Variants in PCDHA5 observed in about 807,000 individuals in gnomAD.
PCDHA5 encodes protocadherin alpha 5, also known as protocadherin alpha-5.
PCDHA5 carries 43 observed loss-of-function variants against 61.6 expected under a neutral mutation model. The observed-to-expected ratio is 0.70, with a 90% CI of 0.55 to 0.90. The LOEUF (loss-of-function observed/expected upper bound fraction) is 0.90, where lower values mean the gene tolerates loss of function less well. Among genes scored for constraint, PCDHA5 ranks in the 40% least tolerant of loss-of-function variants. The pLI, the probability that PCDHA5 is intolerant of heterozygous loss-of-function variation, is 0.00. For missense variants in PCDHA5, 1,298 were observed against 1,222.7 expected (o/e 1.06, Z -0.92); for synonymous variants, 627 against 543.9 (o/e 1.15, Z -2.13).
At chr5:140,893,219 G>C (rs1273209081) in intron 1 of PCDHA5, among the ~76,000 whole-genome samples, 1 of 152,194 alleles carries the variant, frequency 6.6e-6, no homozygotes, top group Non-Finnish European at 1.5e-5. Flanking sequence ...GGAGGTGCAG[G>C]TATCACTTTG....
intron 1 of PCDHA5, among the ~76,000 whole-genome samples, chr5:140,959,036 GTATGT>G (rs2095460948): frequency 6.6e-6 from 1 of 152,032 alleles, no homozygotes; most frequent in African/African-American, 2.4e-5. Flanking sequence ...TCATGGGTAT[GTATGT>G]ATAGGAAAAA....
At chr5:140,877,925 T>C in intron 1 of PCDHA5, 1 of 1,421,700 alleles carries the variant, frequency 7.0e-7, no homozygotes, top group Non-Finnish European at 9.2e-7. Flanking sequence ...TTTTTCTTTA[T>C]GATTCTATCC....
At chr5:140,999,114 T>C (rs2097847387) in intron 3 of PCDHA5, among the ~76,000 whole-genome samples, 2 of 152,180 alleles carry the variant, frequency 1.3e-5, no homozygotes, top group Non-Finnish European at 2.9e-5. Context: ...CTAGCAACCA[T>C]TTCTAAGCTG....
intron 1 of PCDHA5, chr5:140,852,843 A>G (rs2042491535): frequency 1.0e-6 from 1 of 969,432 alleles, no homozygotes; most frequent in Non-Finnish European, 1.2e-6. Context: ...TAGAGCTAGT[A>G]CTTACTAAGC....
In PCDHA5 at chr5:140,823,295, T is replaced by C. The variant is rs1383597975; in HGVS notation, c.1520T>C (p.Val507Ala). ...RVGERPLSSY[V>A]SVHAESGKVY... ...GGCGAGCGCCCGCTGTCGAGTTACG[T>C]TTCGGTGCACGCGGAGAGCGGCAAG... Residue 507 changes from valine (V) to alanine (A), a missense_variant, in exon 1 of 4, where the codon GTT (valine) becomes GCT (alanine). Coordinates refer to ENST00000529859, the MANE Select transcript of PCDHA5 (RefSeq NM_018908.3). The C allele has an allele frequency of 1.2e-6, 2 of 1,612,142 alleles. No homozygotes were observed. Among genetic ancestry groups the C allele is most frequent in the African/African-American group, 2.7e-5 (2 of 74,830 alleles).
At chr5:140,846,712 C>T (rs1014332332) in intron 1 of PCDHA5, among the ~76,000 whole-genome samples, 3 of 149,228 alleles carry the variant, frequency 2.0e-5, no homozygotes, top group Non-Finnish European at 4.5e-5. Flanking sequence ...ATTGTAATAA[C>T]CAGTCTTCAT....
rs1427056714 is a variant in PCDHA5 at position 140,822,019 on chromosome 5, A to G, written c.244A>G (p.Ile82Val). ...TCTGGAGGTAAATCTGCAGAATGGC[A>G]TTTTGTTTGTGAATTCTCGGATCGA... ...DLLEVNLQNGILFVNSRIDRE... is the reference protein window; with the variant it reads ...DLLEVNLQNGVLFVNSRIDRE... Residue 82 changes from isoleucine to valine, a missense_variant, in exon 1 of 4, where the codon ATT becomes GTT. Physicochemically the swap from Ile to Val is conservative, Grantham distance 29. Coordinates refer to ENST00000529859, the MANE Select transcript of PCDHA5 (RefSeq NM_018908.3). 3 of 1,614,052 alleles carry G rather than the reference A, an allele frequency of 1.9e-6. No homozygotes were observed. The highest frequency in any genetic ancestry group is 1.3e-5 in the African/African-American group (1 of 74,942).
Position 140,824,088 on chromosome 5 carries a change from C to G in PCDHA5, c.2313C>G (p.Phe771Leu), listed in dbSNP as rs145264014. Residue 771 changes from phenylalanine (F) to leucine (L), a missense_variant, in exon 1 of 4, where the codon TTC becomes TTG. Transcript: ENST00000529859. ...EAPPKTDLMA[F>L]SPSLPQGPTS... Reference sequence around the variant, plus strand: ...CACCCAAAACAGACCTCATGGCCTTCAGTCCAAGCCTTCCTCAGGGTCCCA... The same window carrying G: ...CACCCAAAACAGACCTCATGGCCTTGAGTCCAAGCCTTCCTCAGGGTCCCA... 1,047 of 1,614,190 alleles carry G rather than the reference C, an allele frequency of 6.5e-4. 5 individuals are homozygous for G. In the African/African-American group the frequency reaches 0.012, roughly 19 times the overall value.
rs1183844615 is a variant in PCDHA5, at chr5:140,823,100, T to C, written c.1325T>C (p.Val442Ala). The change falls in exon 1 of 4, where the codon GTG becomes GCG. Residue 442 changes from valine (V) to alanine (A), a missense_variant. Val to Ala is a moderately conservative substitution (Grantham distance 64). Transcript: ENST00000529859. ...CTGTGGGCCACCGCCAGCGTGTCTG[T>C]GGAAGTGGCCGACGTGAACGACAAC... ...PSLWATASVS[V>A]EVADVNDNAP... 3 of 1,613,902 alleles carry C rather than the reference T, an allele frequency of 1.9e-6. No homozygotes were observed. Among genetic ancestry groups the C allele is most frequent in the African/African-American group, 1.3e-5 (1 of 74,930 alleles).
At position 140,823,700 on chromosome 5, in the gene PCDHA5, C is replaced by A; in HGVS notation, c.1925C>A (p.Pro642Gln). ...CGCTCTCTGGATGAGACCGAAGCAC[C>A]GCGCCACCGCCTTCTGGTGCTGGTG... ...TTRSLDETEA[P>Q]RHRLLVLVKD... The change falls in exon 1 of 4, where the codon CCG becomes CAG. Residue 642 changes from proline to glutamine, a missense_variant. By Grantham distance (76) the Pro-to-Gln change is moderately conservative. Transcript: ENST00000529859. 4 of 1,613,940 alleles carry A rather than the reference C, an allele frequency of 2.5e-6. No homozygotes were observed. Among genetic ancestry groups the A allele is most frequent in the South Asian group, 2.2e-5 (2 of 91,082 alleles).
At chr5:140,916,009 C>CA (rs541727470) in intron 1 of PCDHA5, among the ~76,000 whole-genome samples, 78 of 152,190 alleles carry the variant, frequency 5.1e-4, no homozygotes, top group Non-Finnish European at 9.6e-4. Flanking sequence ...AACCACAAGA[C>CA]AAAGTCTTTC....
intron 1 of PCDHA5, among the ~76,000 whole-genome samples, chr5:140,937,820 G>T (rs554138611): frequency 2.6e-5 from 4 of 151,792 alleles, no homozygotes; most frequent in African/African-American, 9.7e-5. Flanking sequence ...GCTGAGGCAG[G>T]AGAATGGCAT....
intron 1 of PCDHA5, chr5:140,870,969 C>T: frequency 1.2e-6 from 2 of 1,613,644 alleles, no homozygotes; most frequent in Non-Finnish European, 1.7e-6. Context: ...TCCCGTTCCG[C>T]GTGGGGCTGT....
Position 141,009,983 on chromosome 5 carries a change from G to A in PCDHA5, c.*46G>A, listed in dbSNP as rs1554262629. The A allele has an allele frequency of 1.9e-6, 3 of 1,581,862 alleles. No homozygotes were observed. Among genetic ancestry groups the A allele is most frequent in the Non-Finnish European group, 2.6e-6 (3 of 1,167,526 alleles). On this transcript the variant is annotated 3_prime_UTR_variant, in exon 4 of 4. Coordinates refer to ENST00000529859, the MANE Select transcript of PCDHA5 (RefSeq NM_018908.3). ...CCACTTAGCCAGTTTTTGTAATAAT[G>A]GCAAATCTCTCCCATGTAGCAATTC...
chr5:140,927,272 G>A lies in PCDHA5; in HGVS notation c.2353-51677G>A, dbSNP rs782403423. 3.7e-6 allele frequency: 6 copies of A among 1,613,966 alleles called. No homozygotes were observed. Among genetic ancestry groups the A allele is most frequent in the African/African-American group, 1.3e-5 (1 of 74,910 alleles). ...GACAACTCACCTCTCTTTCCTGCCG[G>A]CGACGTGCAGCTGCACATCCCCGAG... On this transcript the variant is annotated intron_variant, in intron 1 of 3. Transcript: ENST00000529859.
In PCDHA5 at chr5:140,875,833, G is replaced by A. The variant is rs782436615; in HGVS notation, c.2352+51706G>A. 1 of 1,614,220 alleles carries A rather than the reference G, an allele frequency of 6.2e-7. No homozygotes were observed. Among genetic ancestry groups the A allele is most frequent in the Non-Finnish European group, 8.5e-7 (1 of 1,180,044 alleles). On this transcript the variant is annotated intron_variant, in intron 1 of 3. Coordinates refer to ENST00000529859, the MANE Select transcript of PCDHA5 (RefSeq NM_018908.3). ...GCCGCTGCAGGTTTTCCATGTGGAC[G>A]TGGAGGTGAAGGACATTAACGACAA...
intron 1 of PCDHA5, chr5:140,877,318 G>A: frequency 6.2e-7 from 1 of 1,614,000 alleles, no homozygotes; most frequent in Non-Finnish European, 8.5e-7. Context: ...ACCGGCGGCG[G>A]TCGGCGCGCA....
At chr5:140,978,914 C>A (rs2096828574) in intron 1 of PCDHA5, 35 bp from the exon 2 acceptor site, 10 of 1,613,852 alleles carry the variant, frequency 6.2e-6, no homozygotes, top group Non-Finnish European at 8.5e-6. Context: ...ATTGTCTTGT[C>A]ATTTTAACAG....
intron 1 of PCDHA5, chr5:140,928,615 A>T: frequency 6.2e-7 from 1 of 1,614,276 alleles, no homozygotes. Flanking sequence ...CCGCTCTGCC[A>T]GGACTGGACA....
Sources: gnomAD v4.1 joint callset for allele counts (sites outside exome capture counted in the v4.1 genomes callset) on GRCh38, gnomAD v4.1.1 for gene constraint, MANE v1.5 for transcripts, NCBI Gene and HGNC (gene_info 2026-07-23, HGNC 2026-07-21) for gene names.